NUDCD3: variants seen among roughly 807,000 people sequenced by gnomAD.
NUDCD3 encodes the protein nudC domain-containing protein 3.
NUDCD3 carries 13 observed loss-of-function variants against 39.7 expected under a neutral mutation model. The observed-to-expected ratio is 0.33, with a 90% confidence interval of 0.21 to 0.52. NUDCD3 has a LOEUF of 0.52. NUDCD3 is among the 20% of genes least tolerant of loss of function. The pLI is 0.96. For missense variants in NUDCD3, 453 were observed against 458.1 expected (o/e 0.99, Z 0.10); for synonymous variants, 175 against 172.4 (o/e 1.02, Z -0.12).
chr7:44,386,270 C>T, intron 5 of NUDCD3, 149 bp from the exon 6 acceptor site: 2 of 819,884 alleles, frequency 2.4e-6, no homozygotes, highest in Non-Finnish European at 3.9e-6. Flanking sequence ...GAGAACTGTA[C>T]TACCCTGGAG....
intron 2 of NUDCD3, among the ~76,000 whole-genome samples, chr7:44,454,560 C>G (rs184930181): frequency 6.6e-6 from 1 of 152,182 alleles, no homozygotes; most frequent in Admixed American, 6.5e-5. Flanking sequence ...GCCTCTGTGA[C>G]CTGGCAACTG....
chr7:44,396,485 T>C lies in NUDCD3; in HGVS notation c.787-4000A>G, dbSNP rs1056239266. Among the ~76,000 whole-genome samples the C allele has an allele frequency of 3.6e-4, 55 of 152,180 alleles. 1 individual carries two copies. The highest frequency in any genetic ancestry group is 1.3e-3 in the African/African-American group (54 of 41,438). On this transcript the variant is annotated intron_variant, in intron 4 of 5. Coordinates refer to ENST00000355451, the MANE Select transcript of NUDCD3 (RefSeq NM_015332.4). Reference sequence around the variant, plus strand: ...TCTAAACAAGGGCATTCTAACATCGTTATTGACTTGCCTGGAGTCCCTCTC... The same window carrying C: ...TCTAAACAAGGGCATTCTAACATCGCTATTGACTTGCCTGGAGTCCCTCTC...
At chr7:44,462,670 G>A (rs1800036987) in intron 2 of NUDCD3, among the ~76,000 whole-genome samples, 1 of 152,180 alleles carries the variant, frequency 6.6e-6, no homozygotes, top group African/African-American at 2.4e-5. Flanking sequence ...GGCAGTCAAT[G>A]GGCACTGTCC....
At chr7:44,396,732 T>C (rs1473721357) in intron 4 of NUDCD3, among the ~76,000 whole-genome samples, 4 of 152,184 alleles carry the variant, frequency 2.6e-5, no homozygotes, top group African/African-American at 9.7e-5. Flanking sequence ...TTCCTTAGAG[T>C]AATGCTTCTG....
At chr7:44,485,335 C>G in intron 1 of NUDCD3, 51 bp from the exon 2 acceptor site, 1 of 1,387,178 alleles carries the variant, frequency 7.2e-7, no homozygotes, top group Non-Finnish European at 9.9e-7. Context: ...AATACTGTAC[C>G]ACATATCTTG....
intron 2 of NUDCD3, among the ~76,000 whole-genome samples, chr7:44,471,609 C>T: frequency 6.6e-6 from 1 of 152,168 alleles, no homozygotes; most frequent in East Asian, 1.9e-4. Context: ...TTTGTAAACA[C>T]ATAGGAGTGT....
At chr7:44,396,601 A>G (rs79723533) in intron 4 of NUDCD3, among the ~76,000 whole-genome samples, 1 of 151,640 alleles carries the variant, frequency 6.6e-6, no homozygotes, top group South Asian at 2.1e-4. Context: ...TTTTTTTTTA[A>G]TGGCCCACGC....
chr7:44,384,286 G>A lies in NUDCD3; in HGVS notation c.*1725C>T, dbSNP rs1395157407. On this transcript the variant is annotated 3_prime_UTR_variant, in exon 6 of 6. Transcript: ENST00000355451. ...GTGGGACAGTGGTGTGCAAATCCTA[G>A]GACCTCAATGGGAAGAACTCCAGGA... The A allele has an allele frequency of 6.6e-6, 1 of 152,074 alleles. No homozygotes were observed. Among genetic ancestry groups the A allele is most frequent in the East Asian group, 1.9e-4 (1 of 5,174 alleles). 9.4% of individuals were successfully genotyped at this position (152,074 alleles called of 1,614,324 possible). A position where few individuals can be genotyped will look rare whatever the true frequency, so the allele number is the denominator to read the frequency against.
intron 2 of NUDCD3, chr7:44,468,132 T>C: frequency 6.2e-7 from 1 of 1,606,826 alleles, no homozygotes; most frequent in Non-Finnish European, 8.5e-7. Flanking sequence ...AAGTTCCTGG[T>C]CCACAACATC....
rs55732057 is a variant in NUDCD3 at position 44,421,349 on chromosome 7, A to AC, written c.642+6221dup. 5.4e-5 allele frequency among the ~76,000 whole-genome samples: 8 copies of AC among 148,604 alleles called. No homozygotes were observed. In the East Asian group the frequency reaches 9.8e-4, roughly 18 times the overall value. ...CTCCGTCTAAAAAAAAAAAAAAAAA[A>AC]CCACACACAGACTGGCAAATTGCAT... On this transcript the variant is annotated intron_variant, in intron 3 of 5. Coordinates refer to ENST00000355451, the MANE Select transcript of NUDCD3 (RefSeq NM_015332.4).
chr7:44,448,570 A>G (rs1236487625), intron 2 of NUDCD3, among the ~76,000 whole-genome samples: 4 of 152,226 alleles, frequency 2.6e-5, no homozygotes, highest in Non-Finnish European at 4.4e-5. Context: ...TAATGTTAAC[A>G]TCAGGGTGAA....
chr7:44,472,617 G>T (rs961686661), intron 2 of NUDCD3, among the ~76,000 whole-genome samples: 2 of 152,228 alleles, frequency 1.3e-5, no homozygotes, highest in African/African-American at 4.8e-5. Context: ...GTGCTAAAAT[G>T]TATTATAAAG....
intron 5 of NUDCD3, among the ~76,000 whole-genome samples, chr7:44,387,841 T>C (rs1310967869): frequency 6.6e-6 from 1 of 152,220 alleles, no homozygotes; most frequent in South Asian, 2.1e-4. Context: ...TTCACTCTTA[T>C]GACCAGAGAC....
chr7:44,461,131 T>G (rs938875508), intron 2 of NUDCD3, among the ~76,000 whole-genome samples: 7 of 152,180 alleles, frequency 4.6e-5, no homozygotes, highest in African/African-American at 2.4e-5. Flanking sequence ...TCTCCTTGCC[T>G]TCCAGGAATC....
chr7:44,461,406 G>A lies in NUDCD3; in HGVS notation c.509+23562C>T, dbSNP rs116140848. Among the ~76,000 whole-genome samples, 549 of 152,314 alleles carry A rather than the reference G, an allele frequency of 3.6e-3. 3 individuals carry two copies. The highest frequency in any genetic ancestry group is 0.013 in the African/African-American group (525 of 41,576). On this transcript the variant is annotated intron_variant, in intron 2 of 5. Transcript: ENST00000355451. ...CACATATACATGGGATGGGAGGATAGAAGGGCAAGCTGCATATGAAGAGAA... is the reference window on the plus strand; with the variant it reads ...CACATATACATGGGATGGGAGGATAAAAGGGCAAGCTGCATATGAAGAGAA...
At chr7:44,425,779 T>C (rs74498912) in intron 3 of NUDCD3, 2,203 of 152,256 alleles carry the variant, frequency 0.014, 31 homozygotes, top group Non-Finnish European at 0.022. Flanking sequence ...GGTGGGAGAA[T>C]AGCTTGAACC....
intron 5 of NUDCD3, among the ~76,000 whole-genome samples, chr7:44,390,316 A>C (rs1281724242): frequency 6.6e-6 from 1 of 152,184 alleles, no homozygotes; most frequent in Non-Finnish European, 1.5e-5. Flanking sequence ...GTGAGCTGAG[A>C]TCACACCACT....
rs182691000 is a variant in NUDCD3 at position 44,402,153 on chromosome 7, C to T, written c.786+2287G>A. The stretch of plus-strand genomic sequence containing the variant: ...GACAAGGCAGGCATGGGTTTGAGGT[C>T]TAGCTCTACCCGCTTCGCAAGCTAC... On this transcript the variant is annotated intron_variant, in intron 4 of 5. Transcript: ENST00000355451. 3.5e-3 allele frequency among the ~76,000 whole-genome samples: 538 copies of T among 152,358 alleles called. 3 individuals are homozygous for T. The highest frequency in any genetic ancestry group is 0.01 in the Middle Eastern group (3 of 294).
rs114291228 is a variant in NUDCD3, at chr7:44,463,605, C to G, written c.509+21363G>C. On this transcript the variant is annotated intron_variant, in intron 2 of 5. Coordinates refer to ENST00000355451, the MANE Select transcript of NUDCD3 (RefSeq NM_015332.4). ...AAGACACAAGACTTAAAAACAGGCA[C>G]AATCAACAGCCTCCAAGTGGTGTGA... 9.1e-3 allele frequency among the ~76,000 whole-genome samples: 1,386 copies of G among 152,232 alleles called. 25 individuals carry two copies. Among genetic ancestry groups the G allele is most frequent in the African/African-American group, 0.031 (1,294 of 41,522 alleles).
Sources: gnomAD v4.1 joint callset for allele counts (sites outside exome capture counted in the v4.1 genomes callset) on GRCh38, gnomAD v4.1.1 for gene constraint, MANE v1.5 for transcripts, NCBI Gene and HGNC (gene_info 2026-07-23, HGNC 2026-07-21) for gene names.